DNA2: variants seen among roughly 807,000 people sequenced by gnomAD.
DNA2 encodes DNA replication ATP-dependent helicase/nuclease DNA2.
A neutral mutation model predicts 119.1 loss-of-function variants in DNA2; 101 were observed. The ratio of observed to expected loss-of-function variants is 0.85; its 90% CI spans 0.72 to 1.00. The LOEUF (loss-of-function observed/expected upper bound fraction) is 1.00. Among genes scored for constraint, DNA2 ranks in the 50% least tolerant of loss-of-function variants. The pLI is 0.00. For synonymous variants in DNA2, 366 were observed against 424.4 expected (o/e 0.86, Z 1.69); for missense variants, 1,121 against 1,255.5 (o/e 0.89, Z 1.62).
At chr10:68,432,074 A>G (rs1161000524) in intron 12 of DNA2, 103 bp from the exon 13 acceptor site, 17 of 1,138,300 alleles carry the variant, frequency 1.5e-5, no homozygotes, top group Middle Eastern at 4.4e-4. Context: ...CTATTCTTCA[A>G]TACAAAACCA....
At position 68,458,313 on chromosome 10, in the gene DNA2, C is replaced by T. The variant is rs758792278; in HGVS notation, c.719+791G>A. On this transcript the variant is annotated intron_variant, in intron 5 of 20. Transcript: ENST00000358410. ...TTGGTAGGCCAAGGTGTGTGGATCA[C>T]CAGAGGTCAGGCATTCAAGACCAGC... Among the ~76,000 whole-genome samples, 6 of 152,244 alleles carry T rather than the reference C, an allele frequency of 3.9e-5. No individual in the cohort carries two copies. The South Asian group carries it at 6.2e-4, about 16-fold the overall frequency.
chr10:68,426,453 G>A lies in DNA2; in HGVS notation c.2209-3563C>T, dbSNP rs180886729. On this transcript the variant is annotated intron_variant, in intron 14 of 20. Transcript: ENST00000358410. ...CTTGAAAGGCTGAGGCAGGAGAATC[G>A]CTTGAACCTGGGAGGCAGAGGTTGC... is the stretch of plus-strand genomic sequence containing the variant. Among the ~76,000 whole-genome samples the A allele has an allele frequency of 4.8e-3, 722 of 151,930 alleles. 14 individuals are homozygous for A. The highest frequency in any genetic ancestry group is 0.017 in the African/African-American group (689 of 41,426).
intron 19 of DNA2, among the ~76,000 whole-genome samples, chr10:68,418,580 G>T (rs969244989): frequency 1.9e-4 from 29 of 151,492 alleles, no homozygotes; most frequent in African/African-American, 6.5e-4. Flanking sequence ...CCATCCACCA[G>T]GTTCCCGCCC....
intron 10 of DNA2, among the ~76,000 whole-genome samples, chr10:68,434,597 A>G (rs1228175204): frequency 6.6e-6 from 1 of 152,246 alleles, no homozygotes; most frequent in East Asian, 1.9e-4. Flanking sequence ...GGCTGCAGTG[A>G]ACTGTGATCA....
intron 9 of DNA2, among the ~76,000 whole-genome samples, chr10:68,442,599 C>T (rs528214845): frequency 3.9e-5 from 6 of 152,310 alleles, no homozygotes; most frequent in Admixed American, 3.9e-4. Context: ...GTTGGCCAGG[C>T]TGGTCTCAAA....
intron 6 of DNA2, among the ~76,000 whole-genome samples, chr10:68,449,719 C>A (rs2052092544): frequency 6.6e-6 from 1 of 152,046 alleles, no homozygotes; most frequent in South Asian, 2.1e-4. Context: ...GTCAGACCAG[C>A]CTGGCCAACA....
chr10:68,445,538 C>A (rs2052027866), intron 7 of DNA2, among the ~76,000 whole-genome samples: 1 of 151,880 alleles, frequency 6.6e-6, no homozygotes, highest in South Asian at 2.1e-4. Flanking sequence ...TTCATATTTC[C>A]CACTATACTA....
intron 2 of DNA2, 48 bp downstream of exon 2, chr10:68,469,933 C>T (rs2133452444): frequency 6.5e-7 from 1 of 1,531,758 alleles, no homozygotes; most frequent in Non-Finnish European, 8.8e-7. Context: ...AGTTTTACGA[C>T]AGTACCCTTA....
rs572460347 is a variant in DNA2, at chr10:68,443,241, C to G, written c.1221-130G>C. ...ACTCATAACCACAGCCCCTAATGTT[C>G]CTTAAAAGTCATTTAAACATAAGCC... is the stretch of plus-strand genomic sequence containing the variant. On this transcript the variant is annotated intron_variant, in intron 8 of 20. Transcript: ENST00000358410. The G allele has an allele frequency of 1.5e-4, 119 of 781,388 alleles. No homozygotes were observed. The African/African-American group carries it at 1.9e-3, about 12-fold the overall frequency. The allele number at this position is 781,388 out of a possible 1,614,324, so 48.4% of individuals were successfully genotyped here.
intron 9 of DNA2, among the ~76,000 whole-genome samples, chr10:68,437,861 C>A (rs947882662): frequency 2.0e-5 from 3 of 152,000 alleles, no homozygotes; most frequent in Admixed American, 6.6e-5. Flanking sequence ...CAGGCATACA[C>A]CACCACGACA....
At position 68,435,457 on chromosome 10, in the gene DNA2, A is replaced by G. The variant is rs991905157; in HGVS notation, c.1646+1554T>C. 1.9e-4 allele frequency among the ~76,000 whole-genome samples: 25 copies of G among 134,172 alleles called. 1 individual carries two copies. The highest frequency in any genetic ancestry group is 6.5e-4 in the African/African-American group (24 of 37,010). The allele number at this position is 134,172 out of a possible 152,430, so 88.0% of individuals were successfully genotyped here. On this transcript the variant is annotated intron_variant, in intron 10 of 20. Coordinates refer to ENST00000358410, the MANE Select transcript of DNA2 (RefSeq NM_001080449.3). ...TATTAATAGTAGAATATACATACAC[A>G]TATATATATATATTTTTAGACAGAG...
At chr10:68,438,668 C>G (rs1353238390) in intron 9 of DNA2, among the ~76,000 whole-genome samples, 2 of 152,084 alleles carry the variant, frequency 1.3e-5, no homozygotes, top group Non-Finnish European at 2.9e-5. Flanking sequence ...TTCTCCACAG[C>G]AATGTTATCT....
intron 10 of DNA2, among the ~76,000 whole-genome samples, chr10:68,433,113 A>G (rs1405185068): frequency 6.6e-6 from 1 of 152,070 alleles, no homozygotes; most frequent in African/African-American, 2.4e-5. Flanking sequence ...CAGGCTGTGA[A>G]AGCACAGTAC....
intron 5 of DNA2, among the ~76,000 whole-genome samples, chr10:68,453,599 T>TG (rs1285229788): frequency 6.6e-6 from 1 of 152,194 alleles, no homozygotes; most frequent in Non-Finnish European, 1.5e-5. Context: ...ACTAAAAAAT[T>TG]CCATTGCCTA....
intron 3 of DNA2, among the ~76,000 whole-genome samples, chr10:68,467,271 C>T (rs1034842141): frequency 3.9e-5 from 6 of 151,914 alleles, no homozygotes; most frequent in African/African-American, 9.7e-5. Flanking sequence ...CCACAACGCC[C>T]GGCTAATTTT....
In DNA2 at chr10:68,442,909, C is replaced by T. The variant is rs564046796; in HGVS notation, c.1415+8G>A. 3.8e-4 allele frequency: 617 copies of T among 1,604,240 alleles called. 11 individuals carry two copies. The South Asian group carries it at 6.6e-3, about 17-fold the overall frequency. Reference sequence around the variant, plus strand: ...CTGAAATCTTACTGTACTAAATGGACCACTTACATTTCCGAAGCAGGCATT... The same window carrying T: ...CTGAAATCTTACTGTACTAAATGGATCACTTACATTTCCGAAGCAGGCATT... On this transcript the variant is annotated splice_region_variant and intron_variant, in intron 9 of 20. Transcript: ENST00000358410.
intron 9 of DNA2, among the ~76,000 whole-genome samples, chr10:68,440,003 CA>C (rs952356679): frequency 4.1e-5 from 6 of 146,236 alleles, no homozygotes; most frequent in Admixed American, 6.8e-5. Flanking sequence ...GATTCCATCT[CA>C]AAAAAAAAAA....
Position 68,444,979 on chromosome 10 carries a change from C to T in DNA2, c.1162G>A (p.Glu388Lys). The T allele has an allele frequency of 6.2e-7, 1 of 1,613,644 alleles. No homozygotes were observed. Among genetic ancestry groups the T allele is most frequent in the South Asian group, 1.1e-5 (1 of 91,062 alleles). The change falls in exon 8 of 21, where the codon GAG becomes AAG. Residue 388 changes from glutamate (E) to lysine (K), a missense_variant. Coordinates refer to ENST00000358410, the MANE Select transcript of DNA2 (RefSeq NM_001080449.3). ...CAATATTTACAAGTTTTCTCTTCCT[C>T]AATTATTTGTGGCAAAGAAGCAAGC... The part of the protein sequence containing the change: ...TQLASLPQII[E>K]EEKTCKYCSQ...
chr10:68,431,746 G>T, intron 13 of DNA2, 116 bp downstream of exon 13: 1 of 659,470 alleles, frequency 1.5e-6, no homozygotes, highest in Admixed American at 2.9e-5. Flanking sequence ...AAGTTCATTT[G>T]AAACAAAGAC....
Sources: gnomAD v4.1 joint callset for allele counts (sites outside exome capture counted in the v4.1 genomes callset) on GRCh38, gnomAD v4.1.1 for gene constraint, MANE v1.5 for transcripts, NCBI Gene and HGNC (gene_info 2026-07-23, HGNC 2026-07-21) for gene names.